The following COL5A1 variants were observed in gnomAD, a reference collection of about 807,000 sequenced individuals.
The protein encoded by COL5A1 is collagen type V alpha 1 chain, also known as collagen alpha-1(V) chain.
COL5A1 carries 16 observed loss-of-function variants against 263.7 expected under a neutral mutation model. The ratio of observed to expected loss-of-function variants is 0.06; its 90% CI spans 0.04 to 0.09. The LOEUF (loss-of-function observed/expected upper bound fraction) is 0.09, where lower values mean the gene tolerates loss of function less well. Among genes scored for constraint, COL5A1 ranks in the 10% least tolerant of loss-of-function variants. The pLI is 1.00. For missense variants in COL5A1, 2,036 were observed against 2,540.5 expected (o/e 0.80, Z 4.27); for synonymous variants, 1,012 against 1,004.5 (o/e 1.01, Z -0.14).
intron 5 of COL5A1, 41 bp from the exon 6 acceptor site, chr9:134,728,629 G>GGGCTCCGCTT (rs1834745057): frequency 3.7e-6 from 6 of 1,612,988 alleles, no homozygotes; most frequent in Non-Finnish European, 5.1e-6. Flanking sequence ...GTCGCTCTGC[G>GGGCTCCGCTT]GGCTCCGCTG....
intron 47 of COL5A1, 32 bp downstream of exon 47, chr9:134,812,534 G>A (rs758358834): frequency 1.9e-5 from 30 of 1,613,208 alleles, no homozygotes; most frequent in Middle Eastern, 1.6e-4. Context: ...AGGCCTTGCC[G>A]TACTAGCGGC....
chr9:134,793,600 T>C (rs1383233678), intron 32 of COL5A1, among the ~76,000 whole-genome samples: 2 of 152,148 alleles, frequency 1.3e-5, no homozygotes, highest in African/African-American at 4.8e-5. Context: ...GGATTAAACC[T>C]GTGGTCCAGG....
intron 21 of COL5A1, among the ~76,000 whole-genome samples, chr9:134,766,108 C>T (rs1294299152): frequency 6.6e-6 from 1 of 152,204 alleles, no homozygotes; most frequent in East Asian, 1.9e-4. Context: ...GGCTGAAGCC[C>T]TTGATTCCAG....
intron 37 of COL5A1, among the ~76,000 whole-genome samples, chr9:134,798,669 G>A (rs1352592151): frequency 7.9e-6 from 1 of 126,212 alleles, no homozygotes; most frequent in African/African-American, 3.0e-5. Flanking sequence ...AGTCATGCAG[G>A]CCGGCAGCGC....
intron 37 of COL5A1, 37 bp from the exon 38 acceptor site, chr9:134,801,917 C>T: frequency 6.2e-7 from 1 of 1,606,684 alleles, no homozygotes; most frequent in Non-Finnish European, 8.5e-7. Flanking sequence ...GCGCAGGCCA[C>T]TGCAGCACCG....
Position 134,820,226 on chromosome 9 carries a change from G to A in COL5A1, c.4554+3G>A, listed in dbSNP as rs370976850. On this transcript the variant is annotated splice_donor_region_variant and intron_variant, in intron 58 of 65. Transcript: ENST00000371817. Reference sequence around the variant, plus strand: ...CCTCCGGTCCTAAGGGAGAACAGGTGCGTGAGATGGCACTTCTTGCATGTG... The same window carrying A: ...CCTCCGGTCCTAAGGGAGAACAGGTACGTGAGATGGCACTTCTTGCATGTG... 3.1e-6 allele frequency: 5 copies of A among 1,609,388 alleles called. No individual in the cohort carries two copies. Among genetic ancestry groups the A allele is most frequent in the East Asian group, 2.2e-5 (1 of 44,868 alleles).
chr9:134,787,167 C>A (rs4842166), intron 31 of COL5A1, among the ~76,000 whole-genome samples: 4 of 152,208 alleles, frequency 2.6e-5, no homozygotes, highest in African/African-American at 7.2e-5. Context: ...AATATACATC[C>A]CTCTGGGGAT....
In COL5A1 at chr9:134,842,526, T is replaced by A; in HGVS notation, c.*223T>A. On this transcript the variant is annotated 3_prime_UTR_variant, in exon 66 of 66. Coordinates refer to ENST00000371817, the MANE Select transcript of COL5A1 (RefSeq NM_000093.5). This position sits in a 1 kb window ranked among gnomAD's most constrained non-coding sequence, Gnocchi z 5.8. ...CTGGAGCTGAATCACATGACCTAGC[T>A]GCACCCCAGCGCCTGGGCCCGCCCC... 1 of 618,970 alleles carries A rather than the reference T, an allele frequency of 1.6e-6. No individual in the cohort carries two copies. The highest frequency in any genetic ancestry group is 2.9e-6 in the Non-Finnish European group (1 of 350,798). 38.3% of individuals were successfully genotyped at this position (618,970 alleles called of 1,614,324 possible). A position where few individuals can be genotyped will look rare whatever the true frequency, so the allele number is the denominator to read the frequency against.
intron 1 of COL5A1, among the ~76,000 whole-genome samples, chr9:134,685,082 ACCCACCAT>A (rs1832977992): frequency 1.0e-5 from 1 of 98,392 alleles, no homozygotes. Context: ...CCATCCATCC[ACCCACCAT>A]CCATCCATCC....
At chr9:134,683,387 G>A (rs140010700) in intron 1 of COL5A1, among the ~76,000 whole-genome samples, 3 of 152,290 alleles carry the variant, frequency 2.0e-5, no homozygotes, top group Non-Finnish European at 2.9e-5. Context: ...GCCAGGGAGC[G>A]GGGAACTGAT....
intron 4 of COL5A1, among the ~76,000 whole-genome samples, chr9:134,711,985 G>T (rs1364459309): frequency 2.6e-5 from 3 of 113,958 alleles, no homozygotes; most frequent in Non-Finnish European, 5.3e-5. Context: ...CCCCCTTCCT[G>T]TCCCCACTCC....
intron 4 of COL5A1, among the ~76,000 whole-genome samples, chr9:134,707,526 G>A (rs1489492105): frequency 1.4e-5 from 2 of 146,840 alleles, no homozygotes; most frequent in Non-Finnish European, 3.0e-5. Context: ...CATCCACGGA[G>A]GCACCCTGGG....
At chr9:134,694,355 C>G (rs981380518) in intron 2 of COL5A1, among the ~76,000 whole-genome samples, 3 of 152,370 alleles carry the variant, frequency 2.0e-5, no homozygotes, top group Admixed American at 6.5e-5. Flanking sequence ...CTGGCACCAC[C>G]TGGTCCTGTA....
intron 4 of COL5A1, among the ~76,000 whole-genome samples, chr9:134,714,843 G>A (rs1588464460): frequency 6.9e-6 from 1 of 144,568 alleles, no homozygotes; most frequent in Non-Finnish European, 1.5e-5. Flanking sequence ...TGGTGGTGAT[G>A]CTGGTGAAGG....
At chr9:134,665,707 G>A (rs1018939322) in intron 1 of COL5A1, among the ~76,000 whole-genome samples, 3 of 152,180 alleles carry the variant, frequency 2.0e-5, no homozygotes, top group African/African-American at 7.2e-5. Flanking sequence ...TGGGGCTGGC[G>A]GCTCTGGGAG....
intron 64 of COL5A1, chr9:134,830,257 C>G: frequency 1.4e-6 from 2 of 1,387,486 alleles, no homozygotes; most frequent in Non-Finnish European, 2.0e-6. Context: ...TGGCACCCAT[C>G]GCTGCCATGT....
chr9:134,668,609 A>AC (rs1832427778), intron 1 of COL5A1, among the ~76,000 whole-genome samples: 2 of 151,722 alleles, frequency 1.3e-5, no homozygotes, highest in Admixed American at 1.3e-4. Flanking sequence ...CCATTAATCT[A>AC]CCCATATATC....
At chr9:134,713,362 C>G (rs969453372) in intron 4 of COL5A1, among the ~76,000 whole-genome samples, 3 of 152,230 alleles carry the variant, frequency 2.0e-5, no homozygotes, top group Non-Finnish European at 4.4e-5. Context: ...CCCTCCCAGT[C>G]TGCAGCCACA....
intron 19 of COL5A1, among the ~76,000 whole-genome samples, chr9:134,763,209 GC>G (rs1836532726): frequency 6.6e-6 from 1 of 152,344 alleles, no homozygotes; most frequent in East Asian, 1.9e-4. Flanking sequence ...TTTGCAAACA[GC>G]CCGTGGGTTG....
Sources: gnomAD v4.1 joint callset for allele counts (sites outside exome capture counted in the v4.1 genomes callset) on GRCh38, gnomAD v4.1.1 for gene constraint, Gnocchi (gnomAD v3.1) non-coding constraint, MANE v1.5 for transcripts, NCBI Gene and HGNC (gene_info 2026-07-23, HGNC 2026-07-21) for gene names.